The following SEC14L5 variants were observed in gnomAD, a reference collection of about 807,000 sequenced individuals.
SEC14L5 encodes the protein SEC14 like lipid binding 5.
SEC14L5 carries 96 observed loss-of-function variants against 84.6 expected under a neutral mutation model. That is an observed-to-expected ratio of 1.13 (90% CI 0.96 to 1.34). SEC14L5 has a LOEUF of 1.34. SEC14L5 is among the 40% of genes most tolerant of loss of function. The probability of loss-of-function intolerance (pLI) is 0.00; values close to 1 mark genes in which losing one functional copy is unlikely to be tolerated. For synonymous variants in SEC14L5, 546 were observed against 383.4 expected, an observed-to-expected ratio of 1.42 and a Z score of -4.95; for missense variants, 1,224 against 942.5, an observed-to-expected ratio of 1.30 and a Z score of -3.91.
intron 3 of SEC14L5, among the ~76,000 whole-genome samples, 180 bp downstream of exon 3, chr16:4,987,886 G>A (rs1596627682): frequency 6.6e-6 from 1 of 152,142 alleles, no homozygotes; most frequent in Middle Eastern, 3.2e-3. Flanking sequence ...CAGGAGGGGC[G>A]AGGGCTGGAA....
At position 4,991,949 on chromosome 16, in the gene SEC14L5, G is replaced by A. The variant is rs1219443438; in HGVS notation, c.586G>A (p.Gly196Arg). The A allele has an allele frequency of 1.2e-5, 19 of 1,597,604 alleles. No individual in the cohort carries two copies. The highest frequency in any genetic ancestry group is 1.5e-5 in the Non-Finnish European group (18 of 1,175,710). The part of the protein sequence containing the change: ...VREEDARNQA[G>R]PRDPSSLEAH... ...TGAGGAGGATGCCCGCAACCAGGCT[G>A]GACCGAGGGACCCCAGCTCCCTGGA... The change falls in exon 6 of 16, where the codon GGA becomes AGA. Residue 196 changes from glycine (G) to arginine (R), a missense_variant. Physicochemically the swap from Gly to Arg is moderately radical, Grantham distance 125 (BLOSUM62 -2). Coordinates refer to ENST00000251170, the MANE Select transcript of SEC14L5 (RefSeq NM_014692.2).
At position 4,998,568 on chromosome 16, in the gene SEC14L5, C is replaced by T. The variant is rs1218002586; in HGVS notation, c.970+1524C>T. ...CCCGGCTAAAACGGTGAAACCCCGT[C>T]TCTACTAAAAATACAAAAAATTAGC... On this transcript the variant is annotated intron_variant, in intron 8 of 15. Transcript: ENST00000251170. Among the ~76,000 whole-genome samples the T allele has an allele frequency of 8.0e-5, 12 of 149,072 alleles. No individual in the cohort carries two copies. The South Asian group carries it at 2.2e-3, about 27-fold the overall frequency.
At chr16:5,011,327 A>G in intron 15 of SEC14L5, 54 bp downstream of exon 15, 1 of 1,554,828 alleles carries the variant, frequency 6.4e-7, no homozygotes, top group South Asian at 1.1e-5. Flanking sequence ...GGGCTGATTG[A>G]CAATGCAGAT....
At position 5,007,388 on chromosome 16, in the gene SEC14L5, C is replaced by G. The variant is rs1178495010; in HGVS notation, c.1474C>G (p.Leu492Val). 3.7e-6 allele frequency: 6 copies of G among 1,613,744 alleles called. No homozygotes were observed. Among genetic ancestry groups the G allele is most frequent in the Admixed American group, 3.3e-5 (2 of 59,988 alleles). ...VPEGGLVPKS[L>V]YMTEEEQEHT... ...CGAAGGAGGGCTGGTCCCCAAGTCC[C>G]TCTACATGACAGAAGAGGAGCAGGA... Residue 492 changes from leucine (L) to valine (V), a missense_variant, in exon 13 of 16, where the codon CTC (leucine) becomes GTC (valine). Physicochemically the swap from Leu to Val is conservative, Grantham distance 32. Transcript: ENST00000251170.
Position 5,015,063 on chromosome 16 carries a change from T to G in SEC14L5, c.*93T>G, listed in dbSNP as rs1955858659. The G allele has an allele frequency of 9.9e-7, 1 of 1,008,542 alleles. No homozygotes were observed. The highest frequency in any genetic ancestry group is 1.5e-5 in the South Asian group (1 of 68,724). 62.5% of individuals were successfully genotyped at this position (1,008,542 alleles called of 1,614,324 possible). ...GCTAACTGCAGGGCCTGGGACCATG[T>G]GGGCTGGAGCCCCAGGCCTAGATGC... On this transcript the variant is annotated 3_prime_UTR_variant, in exon 16 of 16. Coordinates refer to ENST00000251170, the MANE Select transcript of SEC14L5 (RefSeq NM_014692.2).
At chr16:4,977,446 C>CAAAAAAAAAAAAAA (rs762657125) in intron 2 of SEC14L5, among the ~76,000 whole-genome samples, 1 of 66,144 alleles carries the variant, frequency 1.5e-5, no homozygotes, top group Non-Finnish European at 2.5e-5. Flanking sequence ...GACTCCGTCT[C>CAAAAAAAAAAAAAA]AAAAAAAAAA....
At position 5,000,856 on chromosome 16, in the gene SEC14L5, T is replaced by A. The variant is rs1955668295; in HGVS notation, c.1061T>A (p.Val354Asp). The stretch of plus-strand genomic sequence containing the variant: ...AGCAGCACTGTCTCTCCCTTCCAGG[T>A]TCTCTCCGTCAACGAGGAAGGACAG... Reference protein sequence around the residue: ...AVGEEALLRHVLSVNEEGQKR... With the variant: ...AVGEEALLRHDLSVNEEGQKR... Residue 354 changes from valine to aspartate, a missense_variant and splice_region_variant, in exon 10 of 16, where the codon GTT (valine) becomes GAT (aspartate). Physicochemically the swap from Val to Asp is radical, Grantham distance 152. Coordinates refer to ENST00000251170, the MANE Select transcript of SEC14L5 (RefSeq NM_014692.2). 1 of 1,603,248 alleles carries A rather than the reference T, an allele frequency of 6.2e-7. No homozygotes were observed. The highest frequency in any genetic ancestry group is 1.3e-5 in the African/African-American group (1 of 74,702).
chr16:5,006,416 C>T (rs541658894), intron 12 of SEC14L5, among the ~76,000 whole-genome samples: 27 of 152,304 alleles, frequency 1.8e-4, no homozygotes, highest in African/African-American at 6.0e-4. Context: ...GGAGGTGACT[C>T]GAATGTATCT....
At chr16:4,985,400 C>G (rs2908688) in intron 2 of SEC14L5, among the ~76,000 whole-genome samples, 58,327 of 151,676 alleles carry the variant, frequency 0.38, 12,067 homozygotes, top group Non-Finnish European at 0.46. Flanking sequence ...TAATTTTTTT[C>G]TATTTTTAGG....
chr16:4,981,169 T>G (rs1955419029), intron 2 of SEC14L5, among the ~76,000 whole-genome samples: 1 of 150,718 alleles, frequency 6.6e-6, no homozygotes, highest in Non-Finnish European at 1.5e-5. Flanking sequence ...CACGCTGGAG[T>G]GCAGTGGTGC....
chr16:4,996,228 C>A (rs546566073), intron 6 of SEC14L5, 120 bp from the exon 7 acceptor site: 2 of 631,298 alleles, frequency 3.2e-6, no homozygotes, highest in African/African-American at 1.8e-5. Flanking sequence ...GGGGGCTTAG[C>A]CTGGTTTGGA....
intron 12 of SEC14L5, among the ~76,000 whole-genome samples, chr16:5,006,527 T>C (rs914735665): frequency 6.6e-6 from 1 of 152,110 alleles, no homozygotes; most frequent in Non-Finnish European, 1.5e-5. Context: ...CCAGGCCCCT[T>C]TTATTGCCTC....
intron 2 of SEC14L5, among the ~76,000 whole-genome samples, chr16:4,978,201 C>T (rs74631718): frequency 1 from 15,116 of 15,116 alleles, 7,558 homozygotes; most frequent in Non-Finnish European, 1. Context: ...GATCACGAGG[C>T]CCCGAGATCA....
At position 4,987,621 on chromosome 16, in the gene SEC14L5, G is replaced by T. The variant is rs1200927068; in HGVS notation, c.128G>T (p.Arg43Leu). The stretch of plus-strand genomic sequence containing the variant: ...GTCTTCCTGGGCAGCGAGGTCTTGC[G>T]CGAGTCCCGCAGCCCGGACGGGGCT... ...IPVFLGSEVL[R>L]ESRSPDGAVH... Residue 43 changes from arginine (R) to leucine (L), a missense_variant, in exon 3 of 16, where the codon CGC (arginine) becomes CTC (leucine). By Grantham distance (102) the Arg-to-Leu change is moderately radical (BLOSUM62 -2). Coordinates refer to ENST00000251170, the MANE Select transcript of SEC14L5 (RefSeq NM_014692.2). The T allele has an allele frequency of 6.4e-6, 10 of 1,558,204 alleles. No individual in the cohort carries two copies. The highest frequency in any genetic ancestry group is 2.4e-5 in the South Asian group (2 of 84,510).
At chr16:5,004,157 A>T (rs1955707152) in intron 11 of SEC14L5, among the ~76,000 whole-genome samples, 2 of 152,166 alleles carry the variant, frequency 1.3e-5, no homozygotes, top group Admixed American at 1.3e-4. Flanking sequence ...ACAGCACCTG[A>T]GGAGGCTGGA....
chr16:4,975,836 G>C (rs1471070562), intron 2 of SEC14L5, among the ~76,000 whole-genome samples: 1 of 152,168 alleles, frequency 6.6e-6, no homozygotes, highest in Non-Finnish European at 1.5e-5. Flanking sequence ...ACCTTACTCA[G>C]TGGCTGCGTA....
At chr16:5,005,473 G>C (rs1955720173) in intron 11 of SEC14L5, among the ~76,000 whole-genome samples, 1 of 152,036 alleles carries the variant, frequency 6.6e-6, no homozygotes, top group Admixed American at 6.6e-5. Flanking sequence ...AGGTAGAGGT[G>C]CTGGCTGCAC....
chr16:4,987,498 G>GGAGGT, intron 2 of SEC14L5, 59 bp from the exon 3 acceptor site: 2 of 667,676 alleles, frequency 3.0e-6, no homozygotes, highest in East Asian at 9.5e-5. Context: ...AGGTCGCGCT[G>GGAGGT]GGGGGGGGGG....
At position 4,996,366 on chromosome 16, in the gene SEC14L5, A is replaced by T; in HGVS notation, c.686A>T (p.Asp229Val). Residue 229 changes from aspartate (D) to valine (V), a missense_variant, in exon 7 of 16, where the codon GAC (aspartate) becomes GTC (valine). Physicochemically the swap from Asp to Val is radical, Grantham distance 152. Coordinates refer to ENST00000251170, the MANE Select transcript of SEC14L5 (RefSeq NM_014692.2). Reference sequence around the variant, plus strand: ...CTCCAAGGGGACAAGCTGGATGCGGACTACATTGAGAGGTGCCTGGGCCAC... The same window carrying T: ...CTCCAAGGGGACAAGCTGGATGCGGTCTACATTGAGAGGTGCCTGGGCCAC... The part of the protein sequence containing the change: ...VSMDGDKLDA[D>V]YIERCLGHLT... 2 of 1,560,022 alleles carry T rather than the reference A, an allele frequency of 1.3e-6. No homozygotes were observed. Among genetic ancestry groups the T allele is most frequent in the African/African-American group, 2.7e-5 (2 of 73,410 alleles).
Sources: allele counts gnomAD v4.1 joint callset (sites outside exome capture counted in the v4.1 genomes callset), GRCh38; gene constraint gnomAD v4.1.1; transcripts MANE v1.5; gene names NCBI Gene and HGNC (gene_info 2026-07-23, HGNC 2026-07-21).